EPN1: variants seen among roughly 807,000 people sequenced by gnomAD.
EPN1 encodes the protein epsin-1.
EPN1 carries 25 observed loss-of-function variants against 56.9 expected under a neutral mutation model. The observed-to-expected ratio is 0.44, with a 90% CI of 0.32 to 0.61. The LOEUF (loss-of-function observed/expected upper bound fraction) is 0.61, where lower values mean the gene tolerates loss of function less well. Ranked by LOEUF, EPN1 falls within the 20% of genes least tolerant of loss-of-function variation. EPN1 has a pLI of 0.05. For synonymous variants in EPN1, 411 were observed against 361.8 expected (o/e 1.14, Z -1.54); for missense variants, 785 against 823.7 (o/e 0.95, Z 0.58).
intron 3 of EPN1, 76 bp from the exon 4 acceptor site, chr19:55,688,794 C>T (rs939298961): frequency 1.9e-5 from 29 of 1,540,402 alleles, no homozygotes; most frequent in East Asian, 9.8e-5. Flanking sequence ...CAGAAGCCCC[C>T]GTCTGTCTAG....
rs1986392689 is a variant in EPN1, at chr19:55,689,459, C to T, written c.678+88C>T. 1 of 1,004,756 alleles carries T rather than the reference C, an allele frequency of 1.0e-6. No individual in the cohort carries two copies. The highest frequency in any genetic ancestry group is 2.0e-5 in the Admixed American group (1 of 48,994). The allele number at this position is 1,004,756 out of a possible 1,614,324, so 62.2% of individuals were successfully genotyped here. ...CCTTCCTAAGTCACCCCCCACCATCCTGCTGGGCCCGAAGCCCACAGGCTC... is the reference window on the plus strand; with the variant it reads ...CCTTCCTAAGTCACCCCCCACCATCTTGCTGGGCCCGAAGCCCACAGGCTC... On this transcript the variant is annotated intron_variant, in intron 5 of 10. Transcript: ENST00000270460. This position sits in a 1 kb window ranked among gnomAD's most constrained non-coding sequence, Gnocchi z 5.7.
At position 55,685,575 on chromosome 19, in the gene EPN1, C is replaced by G; in HGVS notation, c.408C>G (p.Asp136Glu). 1 of 1,609,724 alleles carries G rather than the reference C, an allele frequency of 6.2e-7. No individual in the cohort carries two copies. Among genetic ancestry groups the G allele is most frequent in the Non-Finnish European group, 8.5e-7 (1 of 1,178,216 alleles). The stretch of plus-strand genomic sequence containing the variant: ...AGCAGCTGGTGGCCCTGCTGCGCGA[C>G]GAGGACCGGCTGCGGGAAGAGCGGG... ...KAKQLVALLRDEDRLREERAH... is the reference protein window; with the variant it reads ...KAKQLVALLREEDRLREERAH... The change falls in exon 3 of 11, where the codon GAC (aspartate) becomes GAG (glutamate). Residue 136 changes from aspartate to glutamate, a missense_variant. By Grantham distance (45) the Asp-to-Glu change is conservative. This residue lies in a region of EPN1 where 135 missense variants were observed against 218.7 expected (regional missense o/e 0.62). Coordinates refer to ENST00000270460, the MANE Select transcript of EPN1 (RefSeq NM_001130072.2).
chr19:55,689,791 G>A lies in EPN1; in HGVS notation c.679-76G>A. ...TTCGTTGGGGTGGGAGGGGTTGCTG[G>A]GGCTTCCAGGCTGAGGTGGCATCTG... On this transcript the variant is annotated intron_variant, in intron 5 of 10. Coordinates refer to ENST00000270460, the MANE Select transcript of EPN1 (RefSeq NM_001130072.2). This position sits in a 1 kb window ranked among gnomAD's most constrained non-coding sequence, Gnocchi z 5.7. 1.4e-6 allele frequency: 2 copies of A among 1,393,438 alleles called. No homozygotes were observed. Among genetic ancestry groups the A allele is most frequent in the African/African-American group, 2.9e-5 (2 of 70,140 alleles). 86.3% of individuals were successfully genotyped at this position (1,393,438 alleles called of 1,614,324 possible). A position where few individuals can be genotyped will look rare whatever the true frequency, so the allele number is the denominator to read the frequency against.
Position 55,692,960 on chromosome 19 carries a change from G to A in EPN1, c.1187G>A (p.Gly396Glu), listed in dbSNP as rs756352927. Reference sequence around the variant, plus strand: ...CATCCTGACCCCACAGCAGCCGGGGGATTCGACACGGAGCCCGACGAGTTC... The same window carrying A: ...CATCCTGACCCCACAGCAGCCGGGGAATTCGACACGGAGCCCGACGAGTTC... ...PSTNGTTAAG[G>E]FDTEPDEFSD... Residue 396 changes from glycine (G) to glutamate (E), a missense_variant, in exon 9 of 11, where the codon GGA (glycine) becomes GAA (glutamate). This residue lies in a region of EPN1 where 650 missense variants were observed against 605.0 expected (regional missense o/e 1.07). Coordinates refer to ENST00000270460, the MANE Select transcript of EPN1 (RefSeq NM_001130072.2). 4 of 1,613,370 alleles carry A rather than the reference G, an allele frequency of 2.5e-6. No homozygotes were observed. The African/African-American group carries it at 4.0e-5, about 16-fold the overall frequency.
rs1986542555 is a variant in EPN1, at chr19:55,691,496, G to T, written c.763-258G>T. On this transcript the variant is annotated intron_variant, in intron 6 of 10. Transcript: ENST00000270460. This position sits in a 1 kb window ranked among gnomAD's most constrained non-coding sequence, Gnocchi z 5.6. ...CTGCAGTGTGGAGAATGGATGTGGG[G>T]CAGGAGTGGGGCTGTGTTGGGGCTC... is the stretch of plus-strand genomic sequence containing the variant. 6.6e-6 allele frequency among the ~76,000 whole-genome samples: 1 copy of T among 151,964 alleles called. No individual in the cohort carries two copies. The highest frequency in any genetic ancestry group is 6.5e-5 in the Admixed American group (1 of 15,272).
chr19:55,684,472 ATTAAT>A (rs1986030862), intron 2 of EPN1, among the ~76,000 whole-genome samples: 1 of 151,818 alleles, frequency 6.6e-6, no homozygotes, highest in Admixed American at 6.6e-5. Flanking sequence ...CGCCCCCACT[ATTAAT>A]TTCAACTTGT....
chr19:55,686,694 CAGAG>C (rs1046177739), intron 3 of EPN1, among the ~76,000 whole-genome samples: 7 of 151,870 alleles, frequency 4.6e-5, no homozygotes, highest in Non-Finnish European at 1.0e-4. Context: ...GGCGTGAACG[CAGAG>C]AGAGAGTGAA....
chr19:55,676,905 C>T (rs544522989), intron 1 of EPN1: 22 of 385,304 alleles, frequency 5.7e-5, no homozygotes, highest in Non-Finnish European at 8.9e-5. Context: ...CTATGTGTCT[C>T]TTTCTGTCAG....
intron 1 of EPN1, among the ~76,000 whole-genome samples, chr19:55,675,708 T>G (rs374239759): frequency 6.6e-6 from 1 of 152,146 alleles, no homozygotes; most frequent in South Asian, 2.1e-4. Flanking sequence ...AGGAGTGTGT[T>G]TGTGTGTCTG....
At chr19:55,684,610 AAGAGAG>A (rs1986039145) in intron 2 of EPN1, among the ~76,000 whole-genome samples, 1 of 152,152 alleles carries the variant, frequency 6.6e-6, no homozygotes, top group African/African-American at 2.4e-5. Context: ...TGCCCCTCCC[AAGAGAG>A]CCCGGGCCTA....
At position 55,702,445 on chromosome 19, in the gene EPN1, G is replaced by A. The variant is rs768342868; in HGVS notation, c.*7089G>A. 4.6e-5 allele frequency: 7 copies of A among 152,244 alleles called. No homozygotes were observed. The highest frequency in any genetic ancestry group is 7.3e-5 in the Non-Finnish European group (5 of 68,060). 9.4% of individuals were successfully genotyped at this position (152,244 alleles called of 1,614,324 possible). On this transcript the variant is annotated 3_prime_UTR_variant, in exon 11 of 11. Coordinates refer to ENST00000270460, the MANE Select transcript of EPN1 (RefSeq NM_001130072.2). Reference sequence around the variant, plus strand: ...TTAGTGTGCCTAAAGAAAGGGAAAGGAATGTGCTTTAGGCCCACTGTTTTC... The same window carrying A: ...TTAGTGTGCCTAAAGAAAGGGAAAGAAATGTGCTTTAGGCCCACTGTTTTC...
At chr19:55,683,782 A>G (rs973467147) in intron 2 of EPN1, among the ~76,000 whole-genome samples, 6 of 152,236 alleles carry the variant, frequency 3.9e-5, no homozygotes, top group African/African-American at 1.4e-4. Context: ...CTGCGATACC[A>G]AAGTCCAGAG....
chr19:55,685,268 C>T (rs1353650226), intron 2 of EPN1, 128 bp from the exon 3 acceptor site: 4 of 1,155,554 alleles, frequency 3.5e-6, no homozygotes, highest in East Asian at 2.6e-5. Context: ...GATGTGTGTC[C>T]ACCCACTGGC....
rs1986592835 is a variant in EPN1 at position 55,692,052 on chromosome 19, C to G, written c.1061C>G (p.Ser354Cys). 6.9e-7 allele frequency: 1 copy of G among 1,443,788 alleles called. No individual in the cohort carries two copies. The highest frequency in any genetic ancestry group is 9.1e-7 in the Non-Finnish European group (1 of 1,104,478). 89.4% of individuals were successfully genotyped at this position (1,443,788 alleles called of 1,614,324 possible). ...EGPTPDPWGS[S>C]DGGVPVSGPS... ...CCCACGCCTGATCCATGGGGAAGTT[C>G]CGATGGTGAGTGCGTGGCCCACTTG... Residue 354 changes from serine (S) to cysteine (C), a missense_variant, in exon 7 of 11, where the codon TCC (serine) becomes TGC (cysteine). Coordinates refer to ENST00000270460, the MANE Select transcript of EPN1 (RefSeq NM_001130072.2).
chr19:55,678,565 G>A lies in EPN1; in HGVS notation c.-63G>A, dbSNP rs201101921. The A allele has an allele frequency of 9.8e-5, 153 of 1,555,064 alleles. 1 individual carries two copies. Among genetic ancestry groups the A allele is most frequent in the African/African-American group, 9.8e-4 (72 of 73,524 alleles). Reference sequence around the variant, plus strand: ...CCAGCACCTGCCGCAGCCTTCGTCCGGGAGTCGCCCCATCTCTCCACGCAT... The same window carrying A: ...CCAGCACCTGCCGCAGCCTTCGTCCAGGAGTCGCCCCATCTCTCCACGCAT... On this transcript the variant is annotated 5_prime_UTR_variant, in exon 2 of 11. Coordinates refer to ENST00000270460, the MANE Select transcript of EPN1 (RefSeq NM_001130072.2).
chr19:55,706,698 A>G lies in EPN1; in HGVS notation c.*11342A>G, dbSNP rs1244810317. On this transcript the variant is annotated 3_prime_UTR_variant, in exon 11 of 11. Coordinates refer to ENST00000270460, the MANE Select transcript of EPN1 (RefSeq NM_001130072.2). ...AGGGAAGGGAGAGATTTAAAAAACA[A>G]TAGTAAAGAGAGATTTAAAAAACAA... 1 of 151,770 alleles carries G rather than the reference A, an allele frequency of 6.6e-6. No individual in the cohort carries two copies. Among genetic ancestry groups the G allele is most frequent in the East Asian group, 1.9e-4 (1 of 5,170 alleles). 9.4% of individuals were successfully genotyped at this position (151,770 alleles called of 1,614,324 possible). A position where few individuals can be genotyped will look rare whatever the true frequency, so the allele number is the denominator to read the frequency against.
Position 55,701,568 on chromosome 19 carries a change from C to T in EPN1, c.*6212C>T, listed in dbSNP as rs1327220220. 2 of 152,090 alleles carry T rather than the reference C, an allele frequency of 1.3e-5. No homozygotes were observed. Among genetic ancestry groups the T allele is most frequent in the Admixed American group, 6.5e-5 (1 of 15,268 alleles). The allele number at this position is 152,090 out of a possible 1,614,324, so 9.4% of individuals were successfully genotyped here. On this transcript the variant is annotated 3_prime_UTR_variant, in exon 11 of 11. Coordinates refer to ENST00000270460, the MANE Select transcript of EPN1 (RefSeq NM_001130072.2). The stretch of plus-strand genomic sequence containing the variant: ...CCCCTTTCCCGGACTATTCTGACCC[C>T]AGCAGTTCTCAGAAGGAGCTGACAT...
At position 55,693,102 on chromosome 19, in the gene EPN1, G is replaced by A. The variant is rs570535281; in HGVS notation, c.1264+65G>A. On this transcript the variant is annotated intron_variant, in intron 9 of 10. Coordinates refer to ENST00000270460, the MANE Select transcript of EPN1 (RefSeq NM_001130072.2). Reference sequence around the variant, plus strand: ...CCTCCCCTAGCTCTTCGGGAGCCCCGTCCCTTGCTGTCTTTGTCCCACTCC... The same window carrying A: ...CCTCCCCTAGCTCTTCGGGAGCCCCATCCCTTGCTGTCTTTGTCCCACTCC... The A allele has an allele frequency of 4.6e-5, 69 of 1,496,930 alleles. No individual in the cohort carries two copies. The South Asian group carries it at 5.1e-4, about 11-fold the overall frequency. The allele number at this position is 1,496,930 out of a possible 1,614,324, so 92.7% of individuals were successfully genotyped here.
chr19:55,692,258 G>C (rs1003804094), intron 7 of EPN1, among the ~76,000 whole-genome samples: 1 of 152,108 alleles, frequency 6.6e-6, no homozygotes, highest in Non-Finnish European at 1.5e-5. Context: ...GAGGACATGG[G>C]GGGTGTGCTG....
Sources: gnomAD v4.1 joint callset for allele counts (sites outside exome capture counted in the v4.1 genomes callset) on GRCh38, gnomAD v4.1.1 for gene constraint, gnomAD v4.1.1 regional missense constraint, Gnocchi (gnomAD v3.1) non-coding constraint, MANE v1.5 for transcripts, NCBI Gene and HGNC (gene_info 2026-07-23, HGNC 2026-07-21) for gene names.